The following MGMT variants were observed in gnomAD, a reference collection of about 807,000 sequenced individuals.
The protein encoded by MGMT is methylated-DNA--protein-cysteine methyltransferase.
In MGMT, 14 loss-of-function variants were observed where a neutral mutation model predicts 15.9. The ratio of observed to expected loss-of-function variants is 0.88; its 90% confidence interval spans 0.58 to 1.37. MGMT has a LOEUF of 1.37. Ranked by LOEUF, MGMT falls within the 40% of genes most tolerant of loss-of-function variation. MGMT has a pLI of 0.00. For missense variants in MGMT, 282 were observed against 268.1 expected (o/e 1.05, Z -0.36); for synonymous variants, 130 against 118.2 (o/e 1.10, Z -0.65).
intron 3 of MGMT, among the ~76,000 whole-genome samples, chr10:129,738,047 G>A (rs1448366566): frequency 2.0e-5 from 3 of 152,250 alleles, no homozygotes; most frequent in Non-Finnish European, 4.4e-5. Context: ...GCCTACAGAG[G>A]CAGGCAGGCC....
chr10:129,576,628 G>C (rs1461960452), intron 2 of MGMT, among the ~76,000 whole-genome samples: 1 of 152,172 alleles, frequency 6.6e-6, no homozygotes, highest in Non-Finnish European at 1.5e-5. Context: ...ACTGGCACAA[G>C]ACAGGGATGC....
At chr10:129,762,125 G>T (rs1181618232) in intron 4 of MGMT, among the ~76,000 whole-genome samples, 1 of 152,172 alleles carries the variant, frequency 6.6e-6, no homozygotes, top group African/African-American at 2.4e-5. Context: ...TTTCCCTTTG[G>T]CGCTGACAGC....
intron 1 of MGMT, among the ~76,000 whole-genome samples, chr10:129,467,662 G>A (rs934191373): frequency 6.6e-6 from 1 of 152,216 alleles, no homozygotes; most frequent in Non-Finnish European, 1.5e-5. Context: ...GCTTCCAGAA[G>A]CCCCTGCGCG....
chr10:129,504,850 G>T (rs1845608925), intron 1 of MGMT, among the ~76,000 whole-genome samples: 2 of 152,100 alleles, frequency 1.3e-5, no homozygotes, highest in African/African-American at 4.8e-5. Flanking sequence ...AGAGTCCTTG[G>T]CAATTGATTG....
At chr10:129,480,814 A>G (rs1194994729) in intron 1 of MGMT, among the ~76,000 whole-genome samples, 1 of 152,252 alleles carries the variant, frequency 6.6e-6, no homozygotes, top group East Asian at 1.9e-4. Context: ...TTGAGAAAAC[A>G]TCCGCCAGAT....
chr10:129,467,427 C>A (rs1452657620), intron 1 of MGMT, 131 bp downstream of exon 1: 4 of 1,368,314 alleles, frequency 2.9e-6, no homozygotes, highest in Non-Finnish European at 3.8e-6. Context: ...CCCACCCATC[C>A]CGGGCGAGCT....
At chr10:129,607,519 C>A (rs964599786) in intron 2 of MGMT, among the ~76,000 whole-genome samples, 1 of 152,186 alleles carries the variant, frequency 6.6e-6, no homozygotes, top group Non-Finnish European at 1.5e-5. Context: ...TGTGTAATTT[C>A]TTTCCACTGT....
intron 2 of MGMT, among the ~76,000 whole-genome samples, chr10:129,630,131 C>T (rs1847193731): frequency 6.6e-6 from 1 of 152,178 alleles, no homozygotes; most frequent in Admixed American, 6.5e-5. Flanking sequence ...CAGCCGCGTC[C>T]ACCTGCGTGC....
At chr10:129,657,707 GCACA>G (rs57838117) in intron 2 of MGMT, among the ~76,000 whole-genome samples, 19 of 111,470 alleles carry the variant, frequency 1.7e-4, no homozygotes, top group Non-Finnish European at 2.2e-4. Context: ...ACACACACAC[GCACA>G]CACACACACA....
chr10:129,512,813 T>C (rs2119702133), intron 1 of MGMT, among the ~76,000 whole-genome samples: 1 of 152,262 alleles, frequency 6.6e-6, no homozygotes, highest in African/African-American at 2.4e-5. Flanking sequence ...GAATGTGAAA[T>C]GGAGCAGCTG....
At chr10:129,569,136 G>A (rs984971197) in intron 2 of MGMT, among the ~76,000 whole-genome samples, 1 of 152,202 alleles carries the variant, frequency 6.6e-6, no homozygotes, top group Non-Finnish European at 1.5e-5. Context: ...GGTTACCTCA[G>A]CTGTTGAACT....
chr10:129,731,669 C>G (rs1023238092), intron 3 of MGMT, among the ~76,000 whole-genome samples: 1 of 152,154 alleles, frequency 6.6e-6, no homozygotes. Flanking sequence ...GCTGGGATTA[C>G]AGGCCTGAGC....
At chr10:129,645,589 G>A (rs1847379409) in intron 2 of MGMT, among the ~76,000 whole-genome samples, 1 of 152,146 alleles carries the variant, frequency 6.6e-6, no homozygotes, top group Admixed American at 6.5e-5. Flanking sequence ...TTCATCCTTT[G>A]GATGAGATGC....
At chr10:129,574,728 A>C (rs1846459614) in intron 2 of MGMT, among the ~76,000 whole-genome samples, 1 of 152,186 alleles carries the variant, frequency 6.6e-6, no homozygotes, top group Non-Finnish European at 1.5e-5. Context: ...ATACTCCAGC[A>C]TTCCTTGGAA....
intron 2 of MGMT, among the ~76,000 whole-genome samples, chr10:129,606,509 C>T (rs1354431355): frequency 6.6e-6 from 1 of 152,166 alleles, no homozygotes; most frequent in Non-Finnish European, 1.5e-5. Context: ...GGCCTCCGCA[C>T]CCGGCGCTAG....
intron 3 of MGMT, among the ~76,000 whole-genome samples, chr10:129,742,921 G>A (rs1848652293): frequency 6.6e-6 from 1 of 152,078 alleles, no homozygotes; most frequent in Admixed American, 6.5e-5. Context: ...CACCACCGCA[G>A]CTGCCCATGC....
chr10:129,696,978 G>C (rs961021755), intron 2 of MGMT, among the ~76,000 whole-genome samples: 1 of 152,228 alleles, frequency 6.6e-6, no homozygotes, highest in Non-Finnish European at 1.5e-5. Flanking sequence ...CTGCCTATGT[G>C]GAATACTGAT....
chr10:129,701,893 TG>T (rs1564766380), intron 2 of MGMT: 1 of 152,224 alleles, frequency 6.6e-6, no homozygotes, highest in Non-Finnish European at 1.5e-5. Context: ...ATCAGTGTCT[TG>T]AAAGGAAGCT....
At chr10:129,555,721 A>T (rs1019836816) in intron 2 of MGMT, among the ~76,000 whole-genome samples, 6 of 152,290 alleles carry the variant, frequency 3.9e-5, no homozygotes, top group East Asian at 1.9e-4. Context: ...TCTCTAAAAA[A>T]AAAATAAAAT....
Sources: gnomAD v4.1 joint callset for allele counts (sites outside exome capture counted in the v4.1 genomes callset) on GRCh38, gnomAD v4.1.1 for gene constraint, MANE v1.5 for transcripts, NCBI Gene and HGNC (gene_info 2026-07-23, HGNC 2026-07-21) for gene names.